The following CFAP20DC variants were observed in gnomAD, a reference collection of about 807,000 sequenced individuals.
The protein encoded by CFAP20DC is CFAP20 domain containing, also known as protein CFAP20DC.
In CFAP20DC, 84 loss-of-function variants were observed where a neutral mutation model predicts 101.7. The ratio of observed to expected loss-of-function variants is 0.83; its 90% CI spans 0.69 to 0.99. CFAP20DC has a LOEUF of 0.99. CFAP20DC is among the 50% of genes least tolerant of loss of function. The pLI, the probability that CFAP20DC is intolerant of heterozygous loss-of-function variation, is 0.00. For synonymous variants in CFAP20DC, 359 were observed against 351.2 expected (o/e 1.02, Z -0.25); for missense variants, 1,007 against 970.3 (o/e 1.04, Z -0.50).
downstream of CFAP20DC, among the ~76,000 whole-genome samples, chr3:58,739,919 T>C (rs2067844138): frequency 6.6e-6 from 1 of 152,214 alleles, no homozygotes; most frequent in Non-Finnish European, 1.5e-5. Flanking sequence ...AATAAGACCT[T>C]GTGGTAGACA....
chr3:58,743,365 G>A lies in CFAP20DC; in HGVS notation c.2333-793C>T, dbSNP rs545821847. 1.2e-4 allele frequency among the ~76,000 whole-genome samples: 18 copies of A among 152,292 alleles called. No individual in the cohort carries two copies. The South Asian group carries it at 3.5e-3, about 30-fold the overall frequency. On this transcript the variant is annotated intron_variant, in intron 16 of 16. Transcript: ENST00000482387. Reference sequence around the variant, plus strand: ...AGTACTTTTGTATTCAAAAGTGAGTGCATTCTGAGTACTTCTGAAAGTTCA... The same window carrying A: ...AGTACTTTTGTATTCAAAAGTGAGTACATTCTGAGTACTTCTGAAAGTTCA...
chr3:58,922,491 C>A (rs371065376), intron 5 of CFAP20DC, among the ~76,000 whole-genome samples: 1 of 152,114 alleles, frequency 6.6e-6, no homozygotes, highest in African/African-American at 2.4e-5. Context: ...GCCATTCTCA[C>A]GGGAGTGAAT....
chr3:58,915,419 T>A (rs1477529205), intron 5 of CFAP20DC, among the ~76,000 whole-genome samples: 1 of 152,144 alleles, frequency 6.6e-6, no homozygotes, highest in African/African-American at 2.4e-5. Context: ...ATTATTATTG[T>A]TGTATAAACG....
chr3:58,751,464 A>G (rs1021378613), intron 16 of CFAP20DC, among the ~76,000 whole-genome samples: 25 of 152,146 alleles, frequency 1.6e-4, no homozygotes, highest in Admixed American at 2.6e-4. Context: ...GATCTGGTCA[A>G]CTGCGGCTCC....
rs569302626 is a variant in CFAP20DC at position 58,958,394 on chromosome 3, G to T, written c.279-20632C>A. Among the ~76,000 whole-genome samples, 7 of 152,260 alleles carry T rather than the reference G, an allele frequency of 4.6e-5. No homozygotes were observed. The South Asian group carries it at 1.5e-3, about 32-fold the overall frequency. ...TTACAGAATAGTATTCTACTATATG[G>T]ATGTATCACATTTTGTTGATCTATT... On this transcript the variant is annotated intron_variant, in intron 4 of 16. Coordinates refer to ENST00000482387, the MANE Select transcript of CFAP20DC (RefSeq NM_001394063.1).
intron 4 of CFAP20DC, among the ~76,000 whole-genome samples, chr3:58,955,977 G>A (rs2090588163): frequency 6.6e-6 from 1 of 151,260 alleles, no homozygotes; most frequent in African/African-American, 2.4e-5. Context: ...GAAAGATTCA[G>A]TATGGGCAGG....
chr3:58,800,149 G>A (rs990050767), intron 15 of CFAP20DC, among the ~76,000 whole-genome samples: 7 of 152,196 alleles, frequency 4.6e-5, no homozygotes, highest in East Asian at 3.9e-4. Context: ...CCACTGGGAA[G>A]TTTTACAAGG....
At chr3:58,808,368 A>C (rs9815424) in intron 14 of CFAP20DC, among the ~76,000 whole-genome samples, 1 of 152,246 alleles carries the variant, frequency 6.6e-6, no homozygotes, top group East Asian at 1.9e-4. Flanking sequence ...CTGATCTCTC[A>C]GCAGAAATTC....
chr3:58,894,083 C>A lies in CFAP20DC; in HGVS notation c.551-9374G>T, dbSNP rs1280839345. On this transcript the variant is annotated intron_variant, in intron 6 of 16. Transcript: ENST00000482387. The surrounding 1 kb of genome is among the most constrained non-coding windows in gnomAD (Gnocchi z 4.1). ...AGTACCTGCCCCCATGATGCAATTA[C>A]CTCCTACTGAGTCCCTCCCACAACA... is the stretch of plus-strand genomic sequence containing the variant. 6.6e-6 allele frequency among the ~76,000 whole-genome samples: 1 copy of A among 152,136 alleles called. No homozygotes were observed. The highest frequency in any genetic ancestry group is 2.4e-5 in the African/African-American group (1 of 41,422).
At chr3:58,973,037 G>A (rs1283107680) in intron 4 of CFAP20DC, among the ~76,000 whole-genome samples, 1 of 152,094 alleles carries the variant, frequency 6.6e-6, no homozygotes, top group Non-Finnish European at 1.5e-5. Context: ...CATTCAAATT[G>A]TTTCTAAGGT....
intron 15 of CFAP20DC, among the ~76,000 whole-genome samples, chr3:58,805,755 T>C (rs1437748239): frequency 6.6e-6 from 1 of 152,244 alleles, no homozygotes; most frequent in Non-Finnish European, 1.5e-5. Context: ...TGTAGAATAA[T>C]ACAGCATGTA....
chr3:58,997,052 A>C (rs1301175271), intron 4 of CFAP20DC, among the ~76,000 whole-genome samples: 1 of 152,144 alleles, frequency 6.6e-6, no homozygotes, highest in Non-Finnish European at 1.5e-5. Flanking sequence ...TCACCCAAAA[A>C]ACTCCTGCTT....
At position 58,847,987 on chromosome 3, in the gene CFAP20DC, A is replaced by T. The variant is rs373208933; in HGVS notation, c.1971+1045T>A. Among the ~76,000 whole-genome samples the T allele has an allele frequency of 5.8e-5, 7 of 121,264 alleles. No homozygotes were observed. In the East Asian group the frequency reaches 1.8e-3, roughly 32 times the overall value. 79.6% of individuals were successfully genotyped at this position (121,264 alleles called of 152,430 possible). On this transcript the variant is annotated intron_variant, in intron 13 of 16. Transcript: ENST00000482387. Reference sequence around the variant, plus strand: ...AACAATGAGATCACATGGACACAGGAAGGGGAATATCACACTCTGGGGACT... The same window carrying T: ...AACAATGAGATCACATGGACACAGGTAGGGGAATATCACACTCTGGGGACT...
intron 7 of CFAP20DC, among the ~76,000 whole-genome samples, chr3:58,884,049 G>A (rs775551351): frequency 1.3e-5 from 2 of 151,876 alleles, no homozygotes; most frequent in East Asian, 1.9e-4. Flanking sequence ...AAACATTCAC[G>A]TATCCAGCTC....
At chr3:58,888,596 C>A (rs1229241005) in intron 6 of CFAP20DC, among the ~76,000 whole-genome samples, 1 of 152,056 alleles carries the variant, frequency 6.6e-6, no homozygotes, top group Non-Finnish European at 1.5e-5. Flanking sequence ...TGTGTGTTAT[C>A]CTCCCTCCAT....
At chr3:58,827,946 G>A (rs2076153505) in intron 14 of CFAP20DC, among the ~76,000 whole-genome samples, 1 of 152,216 alleles carries the variant, frequency 6.6e-6, no homozygotes. Flanking sequence ...TCTTGTGGCA[G>A]AGAAGGTGTA....
chr3:58,876,013 T>C (rs544762649), intron 7 of CFAP20DC, among the ~76,000 whole-genome samples: 1 of 152,326 alleles, frequency 6.6e-6, no homozygotes, highest in South Asian at 2.1e-4. Context: ...TTCATAATCC[T>C]ATCTACTATA....
intron 13 of CFAP20DC, among the ~76,000 whole-genome samples, chr3:58,832,900 C>A (rs186864405): frequency 6.6e-6 from 1 of 152,094 alleles, no homozygotes; most frequent in African/African-American, 2.4e-5. Context: ...GTGATTTACA[C>A]GCAGAACTGC....
chr3:58,932,228 G>T (rs2086810811), intron 5 of CFAP20DC, among the ~76,000 whole-genome samples: 1 of 152,074 alleles, frequency 6.6e-6, no homozygotes, highest in Non-Finnish European at 1.5e-5. Context: ...AGAGAAAAAA[G>T]AATAAAAAGA....
Sources: gnomAD v4.1 joint callset for allele counts (sites outside exome capture counted in the v4.1 genomes callset) on GRCh38, gnomAD v4.1.1 for gene constraint, Gnocchi (gnomAD v3.1) non-coding constraint, MANE v1.5 for transcripts, NCBI Gene and HGNC (gene_info 2026-07-23, HGNC 2026-07-21) for gene names.